Variants in CAMK2D observed in about 807,000 individuals in gnomAD.
The protein encoded by CAMK2D is calcium/calmodulin-dependent protein kinase type II subunit delta.
A neutral mutation model predicts 84.0 loss-of-function variants in CAMK2D; 37 were observed. That is an observed-to-expected ratio of 0.44 (90% confidence interval 0.34 to 0.58). The LOEUF (loss-of-function observed/expected upper bound fraction) is 0.58. Ranked by LOEUF, CAMK2D falls within the 20% of genes least tolerant of loss-of-function variation. The pLI, the probability that CAMK2D is intolerant of heterozygous loss-of-function variation, is 0.02. For synonymous variants in CAMK2D, 202 were observed against 212.5 expected (o/e 0.95, Z 0.43); for missense variants, 448 against 652.5 (o/e 0.69, Z 3.41).
intron 8 of CAMK2D, among the ~76,000 whole-genome samples, chr4:113,526,928 T>C (rs1243793077): frequency 6.7e-6 from 1 of 149,854 alleles, no homozygotes; most frequent in Non-Finnish European, 1.5e-5. Context: ...TTTTTTACTG[T>C]ACTTTGCAGA....
chr4:113,639,469 C>A (rs576381578), intron 3 of CAMK2D, among the ~76,000 whole-genome samples: 1 of 152,136 alleles, frequency 6.6e-6, no homozygotes, highest in South Asian at 2.1e-4. Context: ...AGAGCCACTA[C>A]TAGCCTGCAT....
intron 2 of CAMK2D, among the ~76,000 whole-genome samples, chr4:113,737,554 T>C (rs1033158739): frequency 3.3e-5 from 5 of 152,116 alleles, no homozygotes; most frequent in Admixed American, 2.6e-4. Flanking sequence ...CTTCTGGAGA[T>C]AGATATTGGT....
chr4:113,624,452 G>C (rs2099059374), intron 3 of CAMK2D, among the ~76,000 whole-genome samples: 1 of 152,176 alleles, frequency 6.6e-6, no homozygotes, highest in African/African-American at 2.4e-5. Context: ...GCCTTAATCA[G>C]TTACAATGAA....
chr4:113,745,433 A>G (rs748239348), intron 2 of CAMK2D, among the ~76,000 whole-genome samples: 3 of 152,182 alleles, frequency 2.0e-5, no homozygotes, highest in Admixed American at 6.5e-5. Flanking sequence ...AGATACATAT[A>G]TATCTTCCCC....
chr4:113,667,910 A>G (rs1237582644), intron 2 of CAMK2D, among the ~76,000 whole-genome samples: 6 of 152,186 alleles, frequency 3.9e-5, no homozygotes, highest in Non-Finnish European at 8.8e-5. Context: ...TTTCATGGCA[A>G]AGTAGAATTA....
intron 3 of CAMK2D, among the ~76,000 whole-genome samples, chr4:113,632,337 C>A (rs1173490085): frequency 6.6e-6 from 1 of 151,852 alleles, no homozygotes; most frequent in Non-Finnish European, 1.5e-5. Context: ...GATTCTCCTG[C>A]CTCAGCCTCC....
intron 7 of CAMK2D, among the ~76,000 whole-genome samples, chr4:113,532,604 T>TCTC (rs1366530010): frequency 6.6e-6 from 1 of 152,124 alleles, no homozygotes; most frequent in African/African-American, 2.4e-5. Flanking sequence ...TCCCCTCCAC[T>TCTC]CTCACCATCC....
chr4:113,572,613 A>G (rs932942881), intron 4 of CAMK2D, among the ~76,000 whole-genome samples: 1 of 152,220 alleles, frequency 6.6e-6, no homozygotes, highest in African/African-American at 2.4e-5. Flanking sequence ...AATGGCTATT[A>G]TTAAAAAGTC....
intron 3 of CAMK2D, among the ~76,000 whole-genome samples, chr4:113,652,120 T>G (rs1376242306): frequency 6.6e-6 from 1 of 152,196 alleles, no homozygotes; most frequent in Admixed American, 6.6e-5. Flanking sequence ...AGTGCAGTAT[T>G]GAAGAGCACA....
At chr4:113,523,011 G>A (rs951249658) in intron 8 of CAMK2D, among the ~76,000 whole-genome samples, 4 of 152,012 alleles carry the variant, frequency 2.6e-5, no homozygotes, top group Admixed American at 6.6e-5. Flanking sequence ...TTAAGAAGAC[G>A]GCAGCTAGCT....
intron 3 of CAMK2D, among the ~76,000 whole-genome samples, chr4:113,640,134 TG>T (rs1424954819): frequency 6.6e-6 from 1 of 151,898 alleles, no homozygotes; most frequent in East Asian, 1.9e-4. Flanking sequence ...CAGGTCTGGG[TG>T]GGAGCTGAGT....
At chr4:113,682,492 T>C (rs1420293153) in intron 2 of CAMK2D, among the ~76,000 whole-genome samples, 1 of 152,112 alleles carries the variant, frequency 6.6e-6, no homozygotes, top group Non-Finnish European at 1.5e-5. Flanking sequence ...CTTTTTCTTC[T>C]TTTGGATTTG....
At chr4:113,508,626 G>T (rs1005251593) in intron 13 of CAMK2D, among the ~76,000 whole-genome samples, 6 of 152,176 alleles carry the variant, frequency 3.9e-5, no homozygotes, top group African/African-American at 1.4e-4. Context: ...ACAATTGCAG[G>T]CTGAGGAAAG....
At chr4:113,489,583 A>G (rs2097802179) in intron 16 of CAMK2D, among the ~76,000 whole-genome samples, 1 of 148,720 alleles carries the variant, frequency 6.7e-6, no homozygotes, top group African/African-American at 2.5e-5. Flanking sequence ...GCTATTGTGA[A>G]TAATGCCGCA....
At position 113,663,952 on chromosome 4, in the gene CAMK2D, G is replaced by A. The variant is rs141617726; in HGVS notation, c.161-2180C>T. ...ATTTGGAGATGGAATGTTTAAAGAG[G>A]TGACTGAGTTAAAATGAGGTCATTA... On this transcript the variant is annotated intron_variant, in intron 2 of 20. Transcript: ENST00000511664. 8.9e-3 allele frequency among the ~76,000 whole-genome samples: 1,362 copies of A among 152,186 alleles called. 13 individuals are homozygous for A. Among genetic ancestry groups the A allele is most frequent in the Non-Finnish European group, 0.015 (992 of 68,006 alleles).
intron 4 of CAMK2D, among the ~76,000 whole-genome samples, chr4:113,567,303 G>C (rs980176859): frequency 3.3e-5 from 5 of 151,818 alleles, no homozygotes; most frequent in Non-Finnish European, 1.5e-5. Context: ...CAGTAGCTGG[G>C]ATTACAGGCA....
chr4:113,623,775 T>C (rs555955933), intron 3 of CAMK2D, among the ~76,000 whole-genome samples: 11 of 152,052 alleles, frequency 7.2e-5, no homozygotes, highest in African/African-American at 2.7e-4. Flanking sequence ...ATGTTTTAAT[T>C]AGTAAATATA....
At chr4:113,523,465 G>A (rs2098387502) in intron 8 of CAMK2D, among the ~76,000 whole-genome samples, 1 of 151,636 alleles carries the variant, frequency 6.6e-6, no homozygotes, top group African/African-American at 2.4e-5. Context: ...CATAAAAAAG[G>A]TCCCGCACAG....
intron 7 of CAMK2D, among the ~76,000 whole-genome samples, chr4:113,535,995 T>TTAAC (rs1381433261): frequency 6.6e-6 from 1 of 152,200 alleles, no homozygotes; most frequent in Non-Finnish European, 1.5e-5. Context: ...TGTTCAACCC[T>TTAAC]TAACTCCTGT....
Sources: allele counts gnomAD v4.1 joint callset (sites outside exome capture counted in the v4.1 genomes callset), GRCh38; gene constraint gnomAD v4.1.1; transcripts MANE v1.5; gene names NCBI Gene and HGNC (gene_info 2026-07-23, HGNC 2026-07-21).